Variants in BMAL2 observed in about 807,000 individuals in gnomAD.
BMAL2 encodes basic helix-loop-helix ARNT-like protein 2.
the BMAL2 span, chr12:27,380,458 G>C: frequency 6.3e-7 from 1 of 1,588,252 alleles, no homozygotes; most frequent in Non-Finnish European, 8.6e-7. Context: ...CTCTGTCACT[G>C]AGGTCTCTGA....
At chr12:27,340,928 G>T in the BMAL2 span, among the ~76,000 whole-genome samples, 2 of 152,256 alleles carry the variant, frequency 1.3e-5, no homozygotes, top group East Asian at 3.9e-4. Context: ...TTATGTATCG[G>T]AATGCTAGTG....
the BMAL2 span, chr12:27,368,372 T>A: frequency 1.9e-6 from 3 of 1,613,556 alleles, no homozygotes; most frequent in African/African-American, 1.3e-5. Flanking sequence ...CATGACAGAG[T>A]TTCCACGAAA....
the BMAL2 span, among the ~76,000 whole-genome samples, chr12:27,349,928 G>A: frequency 6.6e-6 from 1 of 152,184 alleles, no homozygotes; most frequent in Non-Finnish European, 1.5e-5. Flanking sequence ...CAGCAGAGGT[G>A]GCGAGCTCCT....
chr12:27,396,548 C>T, the BMAL2 span, among the ~76,000 whole-genome samples: 3 of 152,122 alleles, frequency 2.0e-5, no homozygotes, highest in Non-Finnish European at 2.9e-5. Context: ...GGAAGGTTTT[C>T]GTGAAAGAGA....
At chr12:27,409,198 C>G in the BMAL2 span, among the ~76,000 whole-genome samples, 1 of 152,044 alleles carries the variant, frequency 6.6e-6, no homozygotes, top group East Asian at 1.9e-4. Flanking sequence ...CAATGCCATC[C>G]CCATCAAGCT....
the BMAL2 span, among the ~76,000 whole-genome samples, chr12:27,346,443 A>G: frequency 6.6e-6 from 1 of 152,190 alleles, no homozygotes; most frequent in Admixed American, 6.5e-5. Flanking sequence ...TTGTATTTTT[A>G]GTAGAGATGG....
chr12:27,349,830 A>G, the BMAL2 span, among the ~76,000 whole-genome samples: 2 of 152,128 alleles, frequency 1.3e-5, no homozygotes, highest in African/African-American at 2.4e-5. Context: ...AATGTTGCCT[A>G]AAGTCACACA....
chr12:27,356,487 T>C, the BMAL2 span, among the ~76,000 whole-genome samples: 1 of 152,336 alleles, frequency 6.6e-6, no homozygotes, highest in Admixed American at 6.5e-5. Flanking sequence ...CCAGCCATAC[T>C]GATCTTGCTA....
At chr12:27,410,925 T>C in the BMAL2 span, among the ~76,000 whole-genome samples, 3 of 152,028 alleles carry the variant, frequency 2.0e-5, no homozygotes, top group Non-Finnish European at 4.4e-5. Flanking sequence ...CATAACTATA[T>C]CATTATAGCA....
chr12:27,405,231 G>C, the BMAL2 span, among the ~76,000 whole-genome samples: 10 of 152,352 alleles, frequency 6.6e-5, no homozygotes, highest in Middle Eastern at 3.4e-3. Context: ...GTCCCTGTCT[G>C]ACAGCTTGGA....
At chr12:27,375,969 CA>C in the BMAL2 span, among the ~76,000 whole-genome samples, 343 of 152,286 alleles carry the variant, frequency 2.3e-3, 6 homozygotes, top group East Asian at 0.063. Context: ...ATACAGCTAT[CA>C]TAAAGTTTTT....
At chr12:27,368,336 A>T in the BMAL2 span, 5 of 1,614,142 alleles carry the variant, frequency 3.1e-6, no homozygotes, top group Non-Finnish European at 3.4e-6. Flanking sequence ...GACAAGACCA[A>T]CAGCTATGGG....
the BMAL2 span, chr12:27,387,303 ATACT>A: frequency 1.9e-6 from 3 of 1,602,068 alleles, no homozygotes; most frequent in Non-Finnish European, 2.6e-6. Context: ...AGTCTCCAAA[ATACT>A]TAATTATGAT....
the BMAL2 span, among the ~76,000 whole-genome samples, chr12:27,375,204 A>G: frequency 5.9e-5 from 9 of 152,232 alleles, no homozygotes; most frequent in Non-Finnish European, 1.3e-4. Flanking sequence ...TAAAATATTT[A>G]TCCATAAATT....
At chr12:27,385,579 G>T in the BMAL2 span, 1 of 1,518,310 alleles carries the variant, frequency 6.6e-7, no homozygotes, top group East Asian at 2.3e-5. Flanking sequence ...AGATATATTT[G>T]TCTAAGTTGT....
chr12:27,340,845 A>G, the BMAL2 span, among the ~76,000 whole-genome samples: 3 of 151,752 alleles, frequency 2.0e-5, no homozygotes, highest in African/African-American at 7.3e-5. Context: ...CTGTATTCCT[A>G]TGTATTTTAT....
chr12:27,416,484 G>A, the BMAL2 span, among the ~76,000 whole-genome samples: 1 of 152,112 alleles, frequency 6.6e-6, no homozygotes. Flanking sequence ...TATTTGAAAT[G>A]CATTATTGTA....
the BMAL2 span, among the ~76,000 whole-genome samples, chr12:27,407,820 A>G: frequency 6.6e-6 from 1 of 152,166 alleles, no homozygotes; most frequent in Non-Finnish European, 1.5e-5. Flanking sequence ...TTTTTTGAAA[A>G]GATCAAAAAA....
the BMAL2 span, among the ~76,000 whole-genome samples, chr12:27,378,305 A>C: frequency 6.6e-6 from 1 of 152,198 alleles, no homozygotes; most frequent in Admixed American, 6.5e-5. Flanking sequence ...CTTAGATTTG[A>C]TGAAATAAGG....
Sources: allele counts gnomAD v4.1 joint callset (sites outside exome capture counted in the v4.1 genomes callset), GRCh38; gene constraint gnomAD v4.1.1; transcripts MANE v1.5; gene names NCBI Gene and HGNC (gene_info 2026-07-23, HGNC 2026-07-21).